Variants in CLASP1 observed in about 807,000 individuals in gnomAD.
CLASP1 encodes the protein cytoplasmic linker associated protein 1.
A neutral mutation model predicts 192.3 loss-of-function variants in CLASP1; 38 were observed. That is an observed-to-expected ratio of 0.20 (90% confidence interval 0.15 to 0.26). The LOEUF (loss-of-function observed/expected upper bound fraction) is 0.26. Ranked by LOEUF, CLASP1 falls within the 10% of genes least tolerant of loss-of-function variation. CLASP1 has a pLI of 1.00. For missense variants in CLASP1, 1,433 were observed against 1,932.5 expected, an observed-to-expected ratio of 0.74 and a Z score of 4.85; for synonymous variants, 691 against 712.8, an observed-to-expected ratio of 0.97 and a Z score of 0.49.
chr2:121,458,963 T>G (rs147641299), exon 13 of CLASP1: 1 of 1,602,428 alleles, frequency 6.2e-7, no homozygotes, highest in African/African-American at 1.3e-5. Context: ...TCCCCAGAAC[T>G]GATGACAGAT....
At chr2:121,397,225 T>C (rs2075427923) in exon 30 of CLASP1, 1 of 1,613,906 alleles carries the variant, frequency 6.2e-7, no homozygotes, top group Non-Finnish European at 8.5e-7. Context: ...GTTTACAAAA[T>C]CTGTTGGATC....
intron 1 of CLASP1, among the ~76,000 whole-genome samples, chr2:121,616,973 C>G (rs1177836461): frequency 1.3e-5 from 2 of 152,152 alleles, no homozygotes; most frequent in East Asian, 3.9e-4. Context: ...AGTCTTAAAC[C>G]AGAAGTTTGC....
At position 121,436,686 on chromosome 2, in the gene CLASP1, T is replaced by C. The variant is rs564299995; in HGVS notation, c.1913-6509A>G. On this transcript the variant is annotated intron_variant, in intron 19 of 39. Coordinates refer to ENST00000263710, the Ensembl canonical transcript of CLASP1. Reference sequence around the variant, plus strand: ...TCAGCCTCCCAAAGTGCTGGGATTATAGGCATGAGCCACTGTGCCCGGCTT... The same window carrying C: ...TCAGCCTCCCAAAGTGCTGGGATTACAGGCATGAGCCACTGTGCCCGGCTT... 4.6e-5 allele frequency among the ~76,000 whole-genome samples: 7 copies of C among 152,196 alleles called. 1 individual carries two copies. Among genetic ancestry groups the C allele is most frequent in the African/African-American group, 1.4e-4 (6 of 41,544 alleles).
In CLASP1 at chr2:121,478,983, CCA is replaced by C. The variant is rs1338273186; in HGVS notation, c.713-9025_713-9024del. The stretch of plus-strand genomic sequence containing the variant: ...ACACACCACACACACCACACACACA[CCA>C]CACACCCCACACACACACCACACAC... On this transcript the variant is annotated intron_variant, in intron 8 of 39. Coordinates refer to ENST00000263710, the Ensembl canonical transcript of CLASP1. Among the ~76,000 whole-genome samples, 218 of 40,758 alleles carry C rather than the reference CCA, an allele frequency of 5.3e-3. 3 individuals carry two copies. Among genetic ancestry groups the C allele is most frequent in the African/African-American group, 0.031 (209 of 6,690 alleles). 26.7% of individuals were successfully genotyped at this position (40,758 alleles called of 152,430 possible). A position where few individuals can be genotyped will look rare whatever the true frequency, so the allele number is the denominator to read the frequency against.
chr2:121,376,430 C>T (rs920310861), intron 34 of CLASP1, among the ~76,000 whole-genome samples: 16 of 150,126 alleles, frequency 1.1e-4, no homozygotes, highest in East Asian at 2.0e-4. Context: ...ACATTAAGAC[C>T]GAAATCATAT....
Position 121,605,941 on chromosome 2 carries a change from G to C in CLASP1, c.-46C>G. 3 of 1,561,662 alleles carry C rather than the reference G, an allele frequency of 1.9e-6. No homozygotes were observed. The highest frequency in any genetic ancestry group is 1.8e-4 in the Middle Eastern group (1 of 5,572). On this transcript the variant is annotated 5_prime_UTR_variant, in exon 2 of 40. The change creates a new upstream start codon in the 5' untranslated region. Transcript: ENST00000263710. The stretch of plus-strand genomic sequence containing the variant: ...CCAGCAAAAGCTAGAGGGCAGTCAC[G>C]ATGACTCCCTCCCAGCAGACGTATC...
At chr2:121,444,418 T>A (rs943432451) in intron 19 of CLASP1, among the ~76,000 whole-genome samples, 6 of 152,182 alleles carry the variant, frequency 3.9e-5, no homozygotes, top group Admixed American at 2.0e-4. Flanking sequence ...GTAGTACCTT[T>A]AGAGGAGAGA....
intron 39 of CLASP1, among the ~76,000 whole-genome samples, chr2:121,344,826 C>A (rs2063242516): frequency 6.6e-6 from 1 of 152,012 alleles, no homozygotes; most frequent in African/African-American, 2.4e-5. Context: ...GTACCTGAGT[C>A]TACAAAGTTC....
chr2:121,413,764 T>C (rs1011724129), intron 23 of CLASP1, among the ~76,000 whole-genome samples: 14 of 152,192 alleles, frequency 9.2e-5, no homozygotes, highest in African/African-American at 3.1e-4. Flanking sequence ...GACAGTTTAT[T>C]TGGAGTAAAG....
At chr2:121,527,196 T>C (rs907048238) in intron 5 of CLASP1, among the ~76,000 whole-genome samples, 2 of 152,230 alleles carry the variant, frequency 1.3e-5, no homozygotes, top group Non-Finnish European at 2.9e-5. Context: ...TGAATGTTCA[T>C]AGCAGCTTTA....
At chr2:121,496,804 A>T (rs559209811) in intron 8 of CLASP1, among the ~76,000 whole-genome samples, 34 of 152,174 alleles carry the variant, frequency 2.2e-4, no homozygotes, top group Non-Finnish European at 4.6e-4. Flanking sequence ...CCCACACTTA[A>T]CAGAGGGATC....
chr2:121,367,709 G>A, exon 35 of CLASP1: 1 of 1,614,026 alleles, frequency 6.2e-7, no homozygotes, highest in South Asian at 1.1e-5. Flanking sequence ...GCCCCGGGAA[G>A]GCGCGCGGAG....
chr2:121,419,316 T>C (rs1310860559), intron 22 of CLASP1, among the ~76,000 whole-genome samples: 1 of 152,162 alleles, frequency 6.6e-6, no homozygotes, highest in Non-Finnish European at 1.5e-5. Context: ...TCCAAGTAAG[T>C]GTGTAGATGC....
At chr2:121,633,667 T>A (rs2070229826) in intron 1 of CLASP1, among the ~76,000 whole-genome samples, 1 of 152,036 alleles carries the variant, frequency 6.6e-6, no homozygotes, top group African/African-American at 2.4e-5. Context: ...TGTCTCATGG[T>A]CACAAGCTAG....
intron 8 of CLASP1, among the ~76,000 whole-genome samples, chr2:121,494,681 T>C (rs1391596105): frequency 1.3e-5 from 2 of 152,134 alleles, no homozygotes; most frequent in African/African-American, 4.8e-5. Flanking sequence ...TTATGCAAAA[T>C]ACCTATGTCA....
At chr2:121,443,477 G>C (rs763469887) in intron 19 of CLASP1, among the ~76,000 whole-genome samples, 5 of 152,134 alleles carry the variant, frequency 3.3e-5, no homozygotes, top group Non-Finnish European at 7.4e-5. Flanking sequence ...GAAAACACTC[G>C]GGATTGTTTC....
intron 2 of CLASP1, among the ~76,000 whole-genome samples, chr2:121,596,135 T>C (rs1423756046): frequency 6.6e-6 from 1 of 152,218 alleles, no homozygotes; most frequent in Non-Finnish European, 1.5e-5. Flanking sequence ...ACTAATTACA[T>C]ACATCAAGGA....
intron 34 of CLASP1, among the ~76,000 whole-genome samples, chr2:121,369,671 T>G (rs2068191884): frequency 6.6e-6 from 1 of 152,204 alleles, no homozygotes; most frequent in Non-Finnish European, 1.5e-5. Context: ...TTCCTTTCCC[T>G]ACAGTGCAAG....
chr2:121,431,509 GA>G (rs2081390888), intron 19 of CLASP1, among the ~76,000 whole-genome samples: 1 of 148,718 alleles, frequency 6.7e-6, no homozygotes, highest in Admixed American at 6.6e-5. Flanking sequence ...TTTTCCTAAG[GA>G]AGTCACTGAG....
Sources: allele counts gnomAD v4.1 joint callset (sites outside exome capture counted in the v4.1 genomes callset), GRCh38; gene constraint gnomAD v4.1.1; transcripts MANE v1.5; gene names NCBI Gene and HGNC (gene_info 2026-07-23, HGNC 2026-07-21).